The following SUGCT variants were observed in gnomAD, a reference collection of about 807,000 sequenced individuals.
SUGCT encodes succinyl-CoA:glutarate CoA-transferase.
Under a neutral mutation model 55.0 loss-of-function variants are expected in SUGCT, and 41 were observed. The ratio of observed to expected loss-of-function variants is 0.74; its 90% confidence interval spans 0.58 to 0.97. The LOEUF is 0.97. SUGCT is among the 50% of genes least tolerant of loss of function. The pLI, the probability that SUGCT is intolerant of heterozygous loss-of-function variation, is 0.00. For missense variants in SUGCT, 568 were observed against 547.8 expected, an observed-to-expected ratio of 1.04 and a Z score of -0.37; for synonymous variants, 187 against 200.4, an observed-to-expected ratio of 0.93 and a Z score of 0.56.
chr7:40,919,379 A>G, the SUGCT span, among the ~76,000 whole-genome samples: 82,601 of 152,102 alleles, frequency 0.54, 23,592 homozygotes, highest in African/African-American at 0.73. Flanking sequence ...GCACTGGGAA[A>G]TTACCTTTGA....
At chr7:40,268,058 AT>A (rs558508686) in intron 7 of SUGCT, among the ~76,000 whole-genome samples, 78 of 152,304 alleles carry the variant, frequency 5.1e-4, no homozygotes, top group African/African-American at 1.9e-3. Flanking sequence ...TTCCTGCTTC[AT>A]TTAATTATCA....
intron 9 of SUGCT, among the ~76,000 whole-genome samples, chr7:40,350,654 A>T (rs1209574388): frequency 6.6e-6 from 1 of 151,976 alleles, no homozygotes; most frequent in East Asian, 1.9e-4. Flanking sequence ...TTTTTAAAAA[A>T]ATTATACTTT....
chr7:40,389,799 G>T (rs1038060698), intron 9 of SUGCT, among the ~76,000 whole-genome samples: 1 of 152,092 alleles, frequency 6.6e-6, no homozygotes, highest in Non-Finnish European at 1.5e-5. Context: ...GGATAATATA[G>T]AAATGCACAG....
intron 12 of SUGCT, among the ~76,000 whole-genome samples, chr7:40,563,782 T>C (rs1171512789): frequency 6.6e-6 from 1 of 151,982 alleles, no homozygotes; most frequent in Non-Finnish European, 1.5e-5. Context: ...TATGGCTTTC[T>C]GCAATCTAAG....
chr7:41,009,714 C>T, the SUGCT span, among the ~76,000 whole-genome samples: 1 of 152,270 alleles, frequency 6.6e-6, no homozygotes, highest in Middle Eastern at 3.4e-3. Context: ...CTTCCATCCA[C>T]CCACCCATTC....
At chr7:40,912,521 A>G in the SUGCT span, among the ~76,000 whole-genome samples, 1 of 152,226 alleles carries the variant, frequency 6.6e-6, no homozygotes, top group African/African-American at 2.4e-5. Flanking sequence ...AAACTAAAAT[A>G]AAATTTTGTT....
intron 13 of SUGCT, among the ~76,000 whole-genome samples, chr7:40,801,328 A>C (rs1778829660): frequency 6.6e-6 from 1 of 152,224 alleles, no homozygotes; most frequent in Non-Finnish European, 1.5e-5. Flanking sequence ...AAGCAATCCC[A>C]AACAATTCAG....
chr7:40,513,012 G>A (rs1034440213), intron 12 of SUGCT, among the ~76,000 whole-genome samples: 1 of 152,122 alleles, frequency 6.6e-6, no homozygotes, highest in Admixed American at 6.5e-5. Flanking sequence ...ATCCTTCTGG[G>A]CAATGGAGCC....
intron 9 of SUGCT, among the ~76,000 whole-genome samples, chr7:40,321,911 T>C (rs150422309): frequency 0.012 from 1,794 of 152,304 alleles, 15 homozygotes; most frequent in Middle Eastern, 0.02. Flanking sequence ...AAGTATCTTT[T>C]TGAGATCTTG....
the SUGCT span, among the ~76,000 whole-genome samples, chr7:41,020,469 T>TA: frequency 4.6e-5 from 7 of 152,212 alleles, no homozygotes; most frequent in Non-Finnish European, 7.3e-5. Context: ...ACCACAGATT[T>TA]AAAATAACAG....
chr7:40,170,261 A>C (rs936307242), intron 1 of SUGCT, among the ~76,000 whole-genome samples: 2 of 152,096 alleles, frequency 1.3e-5, no homozygotes, highest in Non-Finnish European at 2.9e-5. Flanking sequence ...TTACGGCGGC[A>C]CTTCTCTCAT....
intron 9 of SUGCT, among the ~76,000 whole-genome samples, chr7:40,421,734 A>T (rs950322824): frequency 1.1e-3 from 166 of 152,212 alleles, no homozygotes; most frequent in African/African-American, 3.6e-3. Context: ...GGGAGATGGG[A>T]CCTAACTAAG....
intron 11 of SUGCT, 40 bp from the exon 12 acceptor site, chr7:40,496,244 C>G (rs1217508714): frequency 7.4e-7 from 1 of 1,347,204 alleles, no homozygotes; most frequent in Admixed American, 1.8e-5. Context: ...GTGTTACATT[C>G]CTTCCTGTGT....
At chr7:40,888,262 T>C in the SUGCT span, among the ~76,000 whole-genome samples, 4 of 152,120 alleles carry the variant, frequency 2.6e-5, no homozygotes, top group Non-Finnish European at 5.9e-5. Flanking sequence ...AACATGGACT[T>C]GGAAAACTCT....
At chr7:41,013,316 A>G in the SUGCT span, among the ~76,000 whole-genome samples, 1 of 152,134 alleles carries the variant, frequency 6.6e-6, no homozygotes, top group South Asian at 2.1e-4. Context: ...TTAGTACATC[A>G]TGTAAAATTA....
intron 13 of SUGCT, among the ~76,000 whole-genome samples, chr7:40,785,930 A>G (rs377150980): frequency 2.0e-5 from 3 of 152,240 alleles, no homozygotes; most frequent in South Asian, 2.1e-4. Context: ...ACCAAAAAAC[A>G]AAAAATTAAA....
At chr7:40,620,021 A>G (rs549709719) in intron 12 of SUGCT, among the ~76,000 whole-genome samples, 207 of 152,342 alleles carry the variant, frequency 1.4e-3, no homozygotes, top group African/African-American at 4.8e-3. Flanking sequence ...TGCCAGGAAG[A>G]AAACATGTCC....
intron 9 of SUGCT, among the ~76,000 whole-genome samples, chr7:40,331,775 C>G (rs1796321296): frequency 6.6e-6 from 1 of 152,090 alleles, no homozygotes; most frequent in Non-Finnish European, 1.5e-5. Flanking sequence ...GATTGGTAGT[C>G]TGGTAGAGGG....
At chr7:40,440,084 T>C (rs1015005741) in intron 9 of SUGCT, among the ~76,000 whole-genome samples, 12 of 151,094 alleles carry the variant, frequency 7.9e-5, no homozygotes, top group African/African-American at 2.9e-4. Context: ...ATTTGGTCCA[T>C]GTGATGACTT....
Sources: allele counts gnomAD v4.1 joint callset (sites outside exome capture counted in the v4.1 genomes callset), GRCh38; gene constraint gnomAD v4.1.1; transcripts MANE v1.5; gene names NCBI Gene and HGNC (gene_info 2026-07-23, HGNC 2026-07-21).